The following BACH2 variants were observed in gnomAD, a reference collection of about 807,000 sequenced individuals.
BACH2 encodes the protein transcription regulator protein BACH2.
In BACH2, 5 loss-of-function variants were observed where a neutral mutation model predicts 61.8. The ratio of observed to expected loss-of-function variants is 0.08; its 90% CI spans 0.04 to 0.17. BACH2 has a LOEUF of 0.17. Among genes scored for constraint, BACH2 ranks in the 10% least tolerant of loss-of-function variants. The pLI is 1.00. For missense variants in BACH2, 824 were observed against 1,091.1 expected (o/e 0.76, Z 3.45); for synonymous variants, 446 against 440.1 (o/e 1.01, Z -0.17).
chr6:90,225,843 G>C (rs1187460274), intron 3 of BACH2, among the ~76,000 whole-genome samples: 1 of 152,190 alleles, frequency 6.6e-6, no homozygotes, highest in Non-Finnish European at 1.5e-5. Context: ...GATAGTCAGG[G>C]TGTGCCTTAC....
intron 2 of BACH2, among the ~76,000 whole-genome samples, chr6:90,269,801 G>A (rs1290688770): frequency 6.6e-6 from 1 of 152,138 alleles, no homozygotes; most frequent in Admixed American, 6.5e-5. Flanking sequence ...TAAGCTGATG[G>A]CCCCGGTGAG....
chr6:89,966,074 G>C (rs1240550718), intron 6 of BACH2, among the ~76,000 whole-genome samples: 1 of 152,214 alleles, frequency 6.6e-6, no homozygotes, highest in African/African-American at 2.4e-5. Context: ...CTTGGCAATA[G>C]AAATGGTGTT....
chr6:89,990,362 A>T (rs1292941218), intron 6 of BACH2, among the ~76,000 whole-genome samples: 2 of 152,174 alleles, frequency 1.3e-5, no homozygotes, highest in Non-Finnish European at 2.9e-5. Flanking sequence ...TCTGCTGCGA[A>T]ATTCTCAACA....
chr6:90,211,128 A>AC (rs1769332788), intron 3 of BACH2, among the ~76,000 whole-genome samples: 1 of 142,656 alleles, frequency 7.0e-6, no homozygotes, highest in South Asian at 2.2e-4. Flanking sequence ...CTCCATCTCA[A>AC]AAAAAAAAAA....
intron 4 of BACH2, among the ~76,000 whole-genome samples, chr6:90,187,263 C>T (rs1452930811): frequency 6.6e-6 from 1 of 152,134 alleles, no homozygotes; most frequent in African/African-American, 2.4e-5. Context: ...GTGGAAAGCA[C>T]CCCCTAAACG....
At chr6:90,129,895 A>G (rs1193156003) in intron 4 of BACH2, among the ~76,000 whole-genome samples, 1 of 151,880 alleles carries the variant, frequency 6.6e-6, no homozygotes, top group South Asian at 2.1e-4. Context: ...TTTGAGACAG[A>G]GTCTCGTTCT....
chr6:89,995,914 T>C (rs1776821081), intron 6 of BACH2, among the ~76,000 whole-genome samples: 1 of 152,182 alleles, frequency 6.6e-6, no homozygotes, highest in Non-Finnish European at 1.5e-5. Context: ...TTAAATATGT[T>C]CCAAATAAAT....
At chr6:90,042,197 A>T (rs541437830) in intron 5 of BACH2, among the ~76,000 whole-genome samples, 1 of 151,992 alleles carries the variant, frequency 6.6e-6, no homozygotes, top group African/African-American at 2.4e-5. Flanking sequence ...AATTCTTTTT[A>T]TTTTTATTTT....
At chr6:89,964,071 G>C (rs145230295) in intron 6 of BACH2, among the ~76,000 whole-genome samples, 5 of 152,090 alleles carry the variant, frequency 3.3e-5, no homozygotes, top group African/African-American at 4.8e-5. Flanking sequence ...TGGGAGGAGT[G>C]GGGAGGGATA....
intron 4 of BACH2, among the ~76,000 whole-genome samples, chr6:90,175,350 A>G (rs1474253347): frequency 1.3e-5 from 2 of 152,180 alleles, no homozygotes. Flanking sequence ...ATCATAAGAA[A>G]CTCTCTTGGT....
rs542457957 is a variant in BACH2, at chr6:90,231,985, CAGAG to C, written c.-275+20524_-275+20527del. Among the ~76,000 whole-genome samples the C allele has an allele frequency of 3.2e-4, 48 of 149,302 alleles. 1 individual carries two copies. Among genetic ancestry groups the C allele is most frequent in the Non-Finnish European group, 4.8e-4 (32 of 66,944 alleles). ...ATATATTTGGTCTGAGAGAGAGAGA[CAGAG>C]AGAGAGAGAGAGAGAGAGAGAGAGA... On this transcript the variant is annotated intron_variant, in intron 3 of 8. Coordinates refer to ENST00000257749, the MANE Select transcript of BACH2 (RefSeq NM_021813.4).
intron 2 of BACH2, among the ~76,000 whole-genome samples, chr6:90,264,286 T>G (rs907898506): frequency 2.6e-5 from 4 of 152,132 alleles, no homozygotes; most frequent in African/African-American, 9.7e-5. Context: ...GATGCTGAGG[T>G]CTTCAGGGAA....
intron 1 of BACH2, among the ~76,000 whole-genome samples, chr6:90,286,775 G>GA (rs1008971903): frequency 6.6e-6 from 1 of 150,586 alleles, no homozygotes; most frequent in Non-Finnish European, 1.5e-5. Context: ...AGTATTGTTA[G>GA]AAAAAAAATC....
chr6:90,015,736 C>T (rs1205520114), intron 5 of BACH2, among the ~76,000 whole-genome samples: 1 of 152,108 alleles, frequency 6.6e-6, no homozygotes, highest in East Asian at 1.9e-4. Context: ...AATGTATATT[C>T]TGTTGTTGGC....
At chr6:89,969,626 G>A (rs1014453710) in intron 6 of BACH2, among the ~76,000 whole-genome samples, 4 of 152,160 alleles carry the variant, frequency 2.6e-5, no homozygotes, top group Non-Finnish European at 5.9e-5. Context: ...TTCTAGGAAA[G>A]GCTCTGCCAT....
chr6:89,945,010 G>C (rs1451760629), intron 7 of BACH2, among the ~76,000 whole-genome samples: 2 of 152,088 alleles, frequency 1.3e-5, no homozygotes, highest in Non-Finnish European at 2.9e-5. Flanking sequence ...TAACAAAAAA[G>C]ATGGGCAATA....
At chr6:89,978,137 CAT>C (rs752247763) in intron 6 of BACH2, among the ~76,000 whole-genome samples, 3 of 152,190 alleles carry the variant, frequency 2.0e-5, no homozygotes, top group Non-Finnish European at 4.4e-5. Flanking sequence ...AAGACTTTGA[CAT>C]ATGAAGTGCT....
chr6:90,168,213 TC>T (rs1050535294), intron 4 of BACH2, among the ~76,000 whole-genome samples: 2 of 151,844 alleles, frequency 1.3e-5, no homozygotes, highest in African/African-American at 4.8e-5. Context: ...GAAAAATTAG[TC>T]AGGTGTGGTG....
rs1396368426 is a variant in BACH2, at chr6:89,951,098, G to C, written c.1008C>G (p.Ala336=). The stretch of plus-strand genomic sequence containing the variant: ...ACAGAGACCTTAAGCAGGAGGGCGA[G>C]GCCACGCTCCTGGATCTCTCCAGGC... ...AACLERSRSV[A]SPSCLRSLFS... The change falls in exon 7 of 9, where the codon GCC becomes GCG. Residue 336 remains alanine (A), a synonymous_variant. Transcript: ENST00000257749. This position sits in a 1 kb window ranked among gnomAD's most constrained non-coding sequence, Gnocchi z 6.4. The C allele has an allele frequency of 3.0e-5, 49 of 1,612,722 alleles. No homozygotes were observed. The highest frequency in any genetic ancestry group is 4.2e-5 in the Non-Finnish European group (49 of 1,179,426).
Sources: allele counts gnomAD v4.1 joint callset (sites outside exome capture counted in the v4.1 genomes callset), GRCh38; gene constraint gnomAD v4.1.1; non-coding constraint Gnocchi (gnomAD v3.1); transcripts MANE v1.5; gene names NCBI Gene and HGNC (gene_info 2026-07-23, HGNC 2026-07-21).